Variants in WAC observed in about 807,000 individuals in gnomAD.
The protein encoded by WAC is WW domain-containing adapter protein with coiled-coil.
WAC carries 11 observed loss-of-function variants against 79.6 expected under a neutral mutation model. The ratio of observed to expected loss-of-function variants is 0.14; its 90% confidence interval spans 0.09 to 0.23. The LOEUF is 0.23. Among genes scored for constraint, WAC ranks in the 10% least tolerant of loss-of-function variants. The probability of loss-of-function intolerance (pLI) is 1.00; values close to 1 mark genes in which losing one functional copy is unlikely to be tolerated. For missense variants in WAC, 728 were observed against 773.5 expected (o/e 0.94, Z 0.70); for synonymous variants, 304 against 276.9 (o/e 1.10, Z -0.97).
chr10:28,583,875 CATTT>C lies in WAC; in HGVS notation c.381+374_381+377del, dbSNP rs141320370. Among the ~76,000 whole-genome samples the C allele has an allele frequency of 6.7e-3, 1,015 of 152,254 alleles. 10 individuals carry two copies. Among genetic ancestry groups the C allele is most frequent in the African/African-American group, 0.024 (983 of 41,542 alleles). On this transcript the variant is annotated intron_variant, in intron 4 of 13. Transcript: ENST00000354911. ...TAGTGTATAAACTCCTTATAGGATACATTTATTATCTACTGTGTCTTACACACTC... is the reference window on the plus strand; with the variant it reads ...TAGTGTATAAACTCCTTATAGGATACATTATCTACTGTGTCTTACACACTC...
intron 7 of WAC, among the ~76,000 whole-genome samples, chr10:28,603,948 T>C (rs369509889): frequency 3.8e-5 from 3 of 78,352 alleles, no homozygotes; most frequent in Non-Finnish European, 7.2e-5. Flanking sequence ...AAAAAATATA[T>C]ATATGTATGT....
chr10:28,588,652 C>T (rs1424562122), intron 4 of WAC: 1 of 152,060 alleles, frequency 6.6e-6, no homozygotes, highest in African/African-American at 2.4e-5. Flanking sequence ...TGGCACGATA[C>T]AGTGAACCCA....
rs77183713 is a variant in WAC, at chr10:28,550,597, T to C, written c.274+14840T>C. On this transcript the variant is annotated intron_variant, in intron 3 of 13. Transcript: ENST00000354911. Reference sequence around the variant, plus strand: ...TGCTCAGTAAATGTTAAATGTCTTATGTCATTTGACATATTCAGGAACAGG... The same window carrying C: ...TGCTCAGTAAATGTTAAATGTCTTACGTCATTTGACATATTCAGGAACAGG... 4.4e-3 allele frequency among the ~76,000 whole-genome samples: 667 copies of C among 152,292 alleles called. 33 individuals carry two copies. The East Asian group carries it at 0.096, about 22-fold the overall frequency.
chr10:28,611,044 G>A (rs1448786803), intron 9 of WAC: 5 of 588,956 alleles, frequency 8.5e-6, no homozygotes, highest in Non-Finnish European at 1.4e-5. Context: ...TTAAGGTATT[G>A]CCATCAAATC....
intron 10 of WAC, among the ~76,000 whole-genome samples, chr10:28,612,198 G>A (rs918061041): frequency 2.0e-5 from 3 of 152,158 alleles, no homozygotes; most frequent in Non-Finnish European, 1.5e-5. Flanking sequence ...GATATACTGA[G>A]TCTTAATATT....
chr10:28,535,439 G>C (rs1306017524), intron 2 of WAC, 123 bp from the exon 3 acceptor site: 1 of 1,217,446 alleles, frequency 8.2e-7, no homozygotes, highest in Non-Finnish European at 1.1e-6. Context: ...AGAATTGAAA[G>C]TGGAAATTTT....
In WAC at chr10:28,593,640, C is replaced by T. The variant is rs538655091; in HGVS notation, c.611-2093C>T. 6.0e-5 allele frequency among the ~76,000 whole-genome samples: 9 copies of T among 150,840 alleles called. No homozygotes were observed. The South Asian group carries it at 1.0e-3, about 18-fold the overall frequency. ...AAAATAAGCTGGGCGTGGTGGTGCG[C>T]GCCTGTAATCCCAGCCACGTGGGAG... is the stretch of plus-strand genomic sequence containing the variant. On this transcript the variant is annotated intron_variant, in intron 6 of 13. Transcript: ENST00000354911.
intron 10 of WAC, 114 bp downstream of exon 10, chr10:28,612,036 A>G (rs1841264648): frequency 2.3e-6 from 3 of 1,289,496 alleles, no homozygotes; most frequent in South Asian, 2.9e-5. Context: ...TAGTGGTGGA[A>G]TGAATGACAG....
chr10:28,619,132 A>C (rs1841596859), intron 13 of WAC, among the ~76,000 whole-genome samples: 1 of 152,178 alleles, frequency 6.6e-6, no homozygotes, highest in Non-Finnish European at 1.5e-5. Context: ...TATAAAAATT[A>C]GCCGGGCGTA....
At chr10:28,611,536 A>G in intron 9 of WAC, 2 of 1,377,702 alleles carry the variant, frequency 1.5e-6, no homozygotes, top group South Asian at 1.4e-5. Context: ...TGTTCCAGCC[A>G]CATAAAGGAG....
intron 3 of WAC, among the ~76,000 whole-genome samples, chr10:28,568,694 TCCCCACA>T (rs1352006826): frequency 1.3e-5 from 2 of 152,028 alleles, no homozygotes; most frequent in East Asian, 3.9e-4. Flanking sequence ...CCCTCCCCTC[TCCCCACA>T]CCCCACGACA....
rs35804351 is a variant in WAC, at chr10:28,622,425, GCCCCCCCCCCCCC to G, written c.*2826_*2838del. 2 of 3,778 alleles carry G rather than the reference GCCCCCCCCCCCCC, an allele frequency of 5.3e-4. 1 individual carries two copies. Among genetic ancestry groups the G allele is most frequent in the Non-Finnish European group, 4.0e-3 (2 of 498 alleles). The allele number at this position is 3,778 out of a possible 1,614,324, so 0.2% of individuals were successfully genotyped here. A position where few individuals can be genotyped will look rare whatever the true frequency, so the allele number is the denominator to read the frequency against. On this transcript the variant is annotated 3_prime_UTR_variant, in exon 14 of 14. Coordinates refer to ENST00000354911, the MANE Select transcript of WAC (RefSeq NM_016628.5). Reference sequence around the variant, plus strand: ...ACTTGAGTGGCCTTTCCCTCCCCCTGCCCCCCCCCCCCCCCCCCCGTTTTAAAAGATCAGTAGT... The same window carrying G: ...ACTTGAGTGGCCTTTCCCTCCCCCTGCCCCCCGTTTTAAAAGATCAGTAGT...
chr10:28,556,503 A>G (rs1222170981), intron 3 of WAC, among the ~76,000 whole-genome samples: 1 of 139,252 alleles, frequency 7.2e-6, no homozygotes, highest in African/African-American at 2.7e-5. Context: ...ACTATTTTGT[A>G]GGTTGTTTTT....
At chr10:28,572,584 G>T (rs1271924055) in intron 3 of WAC, among the ~76,000 whole-genome samples, 1 of 152,112 alleles carries the variant, frequency 6.6e-6, no homozygotes, top group East Asian at 1.9e-4. Context: ...GTGGAGGTGG[G>T]CTGATCACTT....
rs1836391656 is a variant in WAC, at chr10:28,533,486, GCCCGCCGCCC to G, written c.-93_-84del. ...CGCGCCGGGCCCAGGTGCCGGGGCTGCCCGCCGCCCGCCGCCGCCGCCGCCTGCGCGCCCG... is the reference window on the plus strand; with the variant it reads ...CGCGCCGGGCCCAGGTGCCGGGGCTGGCCGCCGCCGCCGCCTGCGCGCCCG... On this transcript the variant is annotated 5_prime_UTR_variant, in exon 1 of 14. Coordinates refer to ENST00000354911, the MANE Select transcript of WAC (RefSeq NM_016628.5). The G allele has an allele frequency of 2.6e-6, 2 of 780,282 alleles. No individual in the cohort carries two copies. Among genetic ancestry groups the G allele is most frequent in the Non-Finnish European group, 3.2e-6 (2 of 631,618 alleles). 48.3% of individuals were successfully genotyped at this position (780,282 alleles called of 1,614,324 possible).
At chr10:28,588,206 G>A (rs781039941) in intron 4 of WAC, among the ~76,000 whole-genome samples, 3 of 152,170 alleles carry the variant, frequency 2.0e-5, no homozygotes, top group Non-Finnish European at 4.4e-5. Context: ...ATAGGGAGGA[G>A]TAGGTGGTAG....
At chr10:28,588,185 A>G (rs1042158843) in intron 4 of WAC, among the ~76,000 whole-genome samples, 1 of 152,156 alleles carries the variant, frequency 6.6e-6, no homozygotes, top group Non-Finnish European at 1.5e-5. Context: ...CAGTTGCATA[A>G]TAATTTATGT....
chr10:28,596,633 C>G (rs774249197), intron 7 of WAC, among the ~76,000 whole-genome samples: 1 of 152,112 alleles, frequency 6.6e-6, no homozygotes, highest in Non-Finnish European at 1.5e-5. Flanking sequence ...TTAAGAACAA[C>G]TACTTGGAAG....
In WAC at chr10:28,578,486, A is replaced by G. The variant is rs186381498; in HGVS notation, c.275-4913A>G. Among the ~76,000 whole-genome samples, 4 of 152,280 alleles carry G rather than the reference A, an allele frequency of 2.6e-5. No homozygotes were observed. The East Asian group carries it at 7.7e-4, about 29-fold the overall frequency. On this transcript the variant is annotated intron_variant, in intron 3 of 13. Coordinates refer to ENST00000354911, the MANE Select transcript of WAC (RefSeq NM_016628.5). ...TAAATGCCATAATATTTTGCTCCTG[A>G]GTAGACTGAAAACTGTTGTTCCACC...
Sources: allele counts gnomAD v4.1 joint callset (sites outside exome capture counted in the v4.1 genomes callset), GRCh38; gene constraint gnomAD v4.1.1; transcripts MANE v1.5; gene names NCBI Gene and HGNC (gene_info 2026-07-23, HGNC 2026-07-21).